The following FAM178B variants were observed in gnomAD, a reference collection of about 807,000 sequenced individuals.
FAM178B encodes the protein protein FAM178B.
FAM178B carries 82 observed loss-of-function variants against 91.7 expected under a neutral mutation model. The observed-to-expected ratio is 0.89, with a 90% CI of 0.75 to 1.07. FAM178B has a LOEUF of 1.07. FAM178B is among the 50% of genes least tolerant of loss of function. The probability of loss-of-function intolerance (pLI) is 0.00; values close to 1 mark genes in which losing one functional copy is unlikely to be tolerated. For missense variants in FAM178B, 769 were observed against 846.7 expected (o/e 0.91, Z 1.14); for synonymous variants, 368 against 359.4 (o/e 1.02, Z -0.27).
intron 4 of FAM178B, 124 bp downstream of exon 4, chr2:96,970,592 C>T: frequency 4.2e-6 from 3 of 720,080 alleles, no homozygotes; most frequent in East Asian, 5.4e-5. Flanking sequence ...GATCAGAGCA[C>T]ACAGGGCAGG....
intron 12 of FAM178B, among the ~76,000 whole-genome samples, chr2:96,915,201 C>T (rs1446577501): frequency 2.0e-5 from 3 of 152,070 alleles, no homozygotes; most frequent in East Asian, 3.9e-4. Flanking sequence ...CCTCTGCCTC[C>T]CGGGTTCAAA....
intron 1 of FAM178B, among the ~76,000 whole-genome samples, chr2:96,978,307 A>C (rs2082318424): frequency 6.6e-6 from 1 of 152,240 alleles, no homozygotes; most frequent in Non-Finnish European, 1.5e-5. Flanking sequence ...TTTTAAAAAA[A>C]TAGATTCAGA....
Position 96,902,769 on chromosome 2 carries a change from G to A in FAM178B, c.1563-62C>T. 3 of 1,270,580 alleles carry A rather than the reference G, an allele frequency of 2.4e-6. No homozygotes were observed. The South Asian group carries it at 3.8e-5, about 16-fold the overall frequency. The allele number at this position is 1,270,580 out of a possible 1,614,324, so 78.7% of individuals were successfully genotyped here. On this transcript the variant is annotated intron_variant, in intron 12 of 16. Transcript: ENST00000490605. The stretch of plus-strand genomic sequence containing the variant: ...GGAAGTCGGGGAGCCCGAGCAGGGG[G>A]CAGGATACCCATGGAGAGGGGACTT...
chr2:96,971,481 T>C (rs2153375738), intron 3 of FAM178B, among the ~76,000 whole-genome samples: 1 of 152,170 alleles, frequency 6.6e-6, no homozygotes, highest in East Asian at 1.9e-4. Flanking sequence ...CAATTTGAAG[T>C]TCATCATTGA....
chr2:96,923,990 C>T (rs1054262912), intron 9 of FAM178B, among the ~76,000 whole-genome samples: 1 of 152,258 alleles, frequency 6.6e-6, no homozygotes, highest in African/African-American at 2.4e-5. Flanking sequence ...GAGCCACAAC[C>T]TTCCACAACC....
At chr2:96,937,651 T>C (rs192479062) in intron 8 of FAM178B, among the ~76,000 whole-genome samples, 1 of 152,280 alleles carries the variant, frequency 6.6e-6, no homozygotes, top group Admixed American at 6.5e-5. Context: ...CGCTCAGCCA[T>C]AGCTGAAAAT....
chr2:96,898,938 C>T (rs139437929), intron 13 of FAM178B, among the ~76,000 whole-genome samples: 314 of 152,326 alleles, frequency 2.1e-3, no homozygotes, highest in Non-Finnish European at 3.4e-3. Flanking sequence ...GCAGCACTGG[C>T]AAGCCCCGTG....
intron 8 of FAM178B, 66 bp downstream of exon 8, chr2:96,947,752 G>T: frequency 1.1e-6 from 1 of 931,240 alleles, no homozygotes; most frequent in Non-Finnish European, 1.7e-6. Flanking sequence ...TCTGGGCACT[G>T]AGAGTCACGT....
chr2:96,923,686 G>T, intron 9 of FAM178B, 103 bp from the exon 10 acceptor site: 1 of 779,058 alleles, frequency 1.3e-6, no homozygotes, highest in Non-Finnish European at 2.2e-6. Flanking sequence ...CTGCTCATCC[G>T]CTGGACACAG....
intron 14 of FAM178B, among the ~76,000 whole-genome samples, chr2:96,881,416 C>T (rs2080380804): frequency 6.6e-6 from 1 of 152,034 alleles, no homozygotes; most frequent in Admixed American, 6.6e-5. Flanking sequence ...GCACCCTGGG[C>T]TGTCTGCGAG....
chr2:96,929,137 T>C, intron 9 of FAM178B, 69 bp downstream of exon 9: 1 of 1,119,784 alleles, frequency 8.9e-7, no homozygotes, highest in Admixed American at 2.0e-5. Flanking sequence ...CAGTTCTGAG[T>C]GACAGAGAGA....
At position 96,878,036 on chromosome 2, in the gene FAM178B, G is replaced by T; in HGVS notation, c.1861C>A (p.Leu621Met). The T allele has an allele frequency of 6.2e-7, 1 of 1,609,488 alleles. No individual in the cohort carries two copies. ...QDITPDQWGELQLLCMQLDRH... is the reference protein window; with the variant it reads ...QDITPDQWGEMQLLCMQLDRH... ...TCCAACTGCATGCACAGCAGCTGCA[G>T]CTCGCCCTGTGGAGGCGGAGGGAGG... Residue 621 changes from leucine to methionine, a missense_variant, in exon 16 of 17, where the codon CTG becomes ATG. Coordinates refer to ENST00000490605, the MANE Select transcript of FAM178B (RefSeq NM_001122646.3).
chr2:96,948,980 G>C (rs2081878921), intron 7 of FAM178B, among the ~76,000 whole-genome samples: 1 of 152,168 alleles, frequency 6.6e-6, no homozygotes, highest in South Asian at 2.1e-4. Context: ...ATGCCCTCCG[G>C]TCGGCATCTA....
At chr2:96,898,095 G>T (rs1251918691) in intron 13 of FAM178B, 1 of 985,586 alleles carries the variant, frequency 1.0e-6, no homozygotes, top group Non-Finnish European at 1.2e-6. Context: ...CCAGCCCCAG[G>T]TCCTCTGCTC....
intron 1 of FAM178B, among the ~76,000 whole-genome samples, chr2:96,980,684 T>C (rs1221057331): frequency 1.3e-5 from 2 of 152,200 alleles, no homozygotes; most frequent in Admixed American, 6.5e-5. Flanking sequence ...ACTACAGGCA[T>C]GAGCAACCGA....
intron 12 of FAM178B, among the ~76,000 whole-genome samples, chr2:96,903,329 G>A (rs1448819830): frequency 2.0e-5 from 3 of 152,340 alleles, no homozygotes; most frequent in South Asian, 2.1e-4. Flanking sequence ...GTGAGCCACC[G>A]CGCCCGGCTG....
At chr2:96,890,561 C>T in intron 14 of FAM178B, among the ~76,000 whole-genome samples, 1 of 152,208 alleles carries the variant, frequency 6.6e-6, no homozygotes, top group East Asian at 1.9e-4. Flanking sequence ...ATGGTTTATA[C>T]AAGTCAGCTA....
intron 14 of FAM178B, among the ~76,000 whole-genome samples, chr2:96,887,088 G>A (rs911759872): frequency 2.6e-5 from 4 of 152,038 alleles, no homozygotes; most frequent in East Asian, 1.9e-4. Flanking sequence ...GGTGGTGGGC[G>A]CCTGTAGTTC....
intron 14 of FAM178B, among the ~76,000 whole-genome samples, chr2:96,889,677 C>CAAAT (rs371885604): frequency 0.24 from 30,479 of 126,218 alleles, 4,316 homozygotes; most frequent in East Asian, 0.47. Flanking sequence ...GACTCTGTCT[C>CAAAT]AAATAAATAA....
Sources: gnomAD v4.1 joint callset for allele counts (sites outside exome capture counted in the v4.1 genomes callset) on GRCh38, gnomAD v4.1.1 for gene constraint, MANE v1.5 for transcripts, NCBI Gene and HGNC (gene_info 2026-07-23, HGNC 2026-07-21) for gene names.